DACH2: variants seen among roughly 807,000 people sequenced by gnomAD.
The protein encoded by DACH2 is dachshund family transcription factor 2.
A neutral mutation model predicts 35.8 loss-of-function variants in DACH2; 17 were observed. That is an observed-to-expected ratio of 0.48 (90% CI 0.33 to 0.71). The LOEUF is 0.71. Among genes scored for constraint, DACH2 ranks in the 30% least tolerant of loss-of-function variants. The pLI is 0.02. For missense variants in DACH2, 469 were observed against 472.7 expected, an observed-to-expected ratio of 0.99 and a Z score of 0.07; for synonymous variants, 195 against 177.3, an observed-to-expected ratio of 1.10 and a Z score of -0.79.
rs5968976 is a variant in DACH2 at position 86,713,954 on chromosome X, C to A, written c.932-594C>A. The stretch of plus-strand genomic sequence containing the variant: ...GTATTTCTTATTAAACTAGAAAATA[C>A]GTTGATATTTTGATAGGGGAGTTAT... On this transcript the variant is annotated intron_variant, in intron 5 of 11. Coordinates refer to ENST00000373125, the MANE Select transcript of DACH2 (RefSeq NM_053281.3). 1.2e-3 allele frequency among the ~76,000 whole-genome samples: 130 copies of A among 110,657 alleles called. No individual in the cohort carries two copies. The East Asian group carries it at 0.035, about 30-fold the overall frequency.
chrX:86,657,750 G>A (rs1663892110), intron 4 of DACH2, among the ~76,000 whole-genome samples: 1 of 111,357 alleles, frequency 9.0e-6, no homozygotes, highest in Non-Finnish European at 1.9e-5. Flanking sequence ...ATGCCTTATT[G>A]TGGTAGGATT....
intron 11 of DACH2, among the ~76,000 whole-genome samples, chrX:86,826,304 T>C (rs1181206806): frequency 9.0e-6 from 1 of 111,590 alleles, no homozygotes; most frequent in Non-Finnish European, 1.9e-5. Context: ...ACAAGTAAGA[T>C]AGTTTGATAC....
chrX:86,464,142 C>A lies in DACH2; in HGVS notation c.528-50137C>A, dbSNP rs777815444. ...CCTCAAGGATCTAAAACCAGAGATA[C>A]CACTTGACCCAGTAATCCCATTACT... On this transcript the variant is annotated intron_variant, in intron 2 of 11. Coordinates refer to ENST00000373125, the MANE Select transcript of DACH2 (RefSeq NM_053281.3). 3.6e-5 allele frequency among the ~76,000 whole-genome samples: 4 copies of A among 110,865 alleles called. No individual in the cohort carries two copies. In the South Asian group the frequency reaches 1.6e-3, roughly 43 times the overall value.
intron 1 of DACH2, among the ~76,000 whole-genome samples, chrX:86,357,820 T>C (rs1022236228): frequency 1.7e-4 from 19 of 112,475 alleles, no homozygotes; most frequent in African/African-American, 6.1e-4. Flanking sequence ...ATCTTGTTTG[T>C]GTATTTCCAT....
In DACH2 at chrX:86,149,001, G is replaced by T. The variant is rs1287413461; in HGVS notation, c.381G>T (p.Gln127His). 8.3e-7 allele frequency: 1 copy of T among 1,208,748 alleles called. No individual in the cohort carries two copies. The highest frequency in any genetic ancestry group is 1.1e-6 in the Non-Finnish European group (1 of 894,668). The change falls in exon 1 of 12, where the codon CAG becomes CAT. Residue 127 changes from glutamine (Q) to histidine (H), a missense_variant. Coordinates refer to ENST00000373125, the MANE Select transcript of DACH2 (RefSeq NM_053281.3). ...DISPVVCTVEQVRILRGLGAI... is the reference protein window; with the variant it reads ...DISPVVCTVEHVRILRGLGAI... ...CCCCCGTGGTGTGTACTGTTGAGCA[G>T]GTCCGGATCCTCCGCGGGCTGGGGG...
chrX:86,287,876 G>C (rs1262461841), intron 1 of DACH2, among the ~76,000 whole-genome samples: 2 of 112,022 alleles, frequency 1.8e-5, no homozygotes, highest in African/African-American at 6.5e-5. Context: ...TGTTTTTCCA[G>C]TTTTTGTACC....
At chrX:86,261,351 G>A (rs749114996) in intron 1 of DACH2, among the ~76,000 whole-genome samples, 2 of 111,992 alleles carry the variant, frequency 1.8e-5, no homozygotes, top group South Asian at 7.4e-4. Flanking sequence ...GAGATTTAGT[G>A]AAAAATAAAG....
At position 86,514,383 on chromosome X, in the gene DACH2, C is replaced by T; in HGVS notation, c.632C>T (p.Thr211Ile). 1 of 1,206,595 alleles carries T rather than the reference C, an allele frequency of 8.3e-7. No individual in the cohort carries two copies. Among genetic ancestry groups the T allele is most frequent in the Middle Eastern group, 2.3e-4 (1 of 4,331 alleles). The change falls in exon 3 of 12, where the codon ACT becomes ATT. Residue 211 changes from threonine (T) to isoleucine (I), a missense_variant. Transcript: ENST00000373125. Reference sequence around the variant, plus strand: ...GGCCTCTTATCGCCAGGACTTATCACTCCGACAGGTAATAAAATCCATCTG... The same window carrying T: ...GGCCTCTTATCGCCAGGACTTATCATTCCGACAGGTAATAAAATCCATCTG... Reference protein sequence around the residue: ...VPGLLSPGLITPTGITAAAMA... With the variant: ...VPGLLSPGLIIPTGITAAAMA...
chrX:86,321,618 T>C (rs1423418350), intron 1 of DACH2, among the ~76,000 whole-genome samples: 2 of 111,857 alleles, frequency 1.8e-5, no homozygotes, highest in Non-Finnish European at 1.9e-5. Flanking sequence ...GGAGTGGTTT[T>C]TCCATTATTT....
intron 2 of DACH2, among the ~76,000 whole-genome samples, chrX:86,427,561 C>A (rs1159534263): frequency 4.5e-5 from 5 of 111,076 alleles, no homozygotes; most frequent in African/African-American, 1.6e-4. Context: ...GAGACTATGG[C>A]TCCTTATTAC....
chrX:86,650,420 C>G (rs1438257379), intron 3 of DACH2, among the ~76,000 whole-genome samples: 1 of 110,985 alleles, frequency 9.0e-6, no homozygotes, highest in Non-Finnish European at 1.9e-5. Flanking sequence ...GGCTAGGCAG[C>G]CTATCCTTTA....
intron 3 of DACH2, among the ~76,000 whole-genome samples, chrX:86,611,055 A>G (rs958451549): frequency 4.5e-5 from 5 of 110,701 alleles, no homozygotes; most frequent in African/African-American, 9.9e-5. Context: ...ACAGAGTCTC[A>G]CCCAAGGCCC....
chrX:86,813,063 A>G (rs1440164537), intron 8 of DACH2, 59 bp downstream of exon 8: 1 of 1,139,479 alleles, frequency 8.8e-7, no homozygotes, highest in African/African-American at 1.8e-5. Context: ...ACCTACATAT[A>G]TTATTTTATA....
At chrX:86,732,029 C>A (rs1311482567) in intron 6 of DACH2, among the ~76,000 whole-genome samples, 1 of 112,063 alleles carries the variant, frequency 8.9e-6, no homozygotes, top group African/African-American at 3.2e-5. Flanking sequence ...AGTCACATTT[C>A]AAGTGCTCAA....
chrX:86,394,267 A>G (rs1483350470), intron 2 of DACH2, among the ~76,000 whole-genome samples: 1 of 110,660 alleles, frequency 9.0e-6, no homozygotes, highest in Non-Finnish European at 1.9e-5. Context: ...GTGCTAAATA[A>G]ATATTAGTTT....
intron 1 of DACH2, among the ~76,000 whole-genome samples, chrX:86,283,488 T>C (rs186687115): frequency 1.1e-3 from 119 of 111,168 alleles, no homozygotes; most frequent in Non-Finnish European, 1.9e-3. Flanking sequence ...CAAATGCCAA[T>C]CTATAATAGA....
intron 7 of DACH2, among the ~76,000 whole-genome samples, chrX:86,742,006 G>C (rs1396484832): frequency 9.1e-6 from 1 of 110,479 alleles, no homozygotes; most frequent in Non-Finnish European, 1.9e-5. Context: ...TGATATAATA[G>C]ATATATCATA....
At chrX:86,646,825 A>G (rs1470887097) in intron 3 of DACH2, among the ~76,000 whole-genome samples, 3 of 108,816 alleles carry the variant, frequency 2.8e-5, no homozygotes, top group African/African-American at 1.0e-4. Flanking sequence ...CATCCTAAAT[A>G]TATTTAAATA....
chrX:86,152,892 T>C (rs2030413539), intron 1 of DACH2, among the ~76,000 whole-genome samples: 1 of 111,705 alleles, frequency 9.0e-6, no homozygotes, highest in Non-Finnish European at 1.9e-5. Context: ...AACAGGCAGG[T>C]TTAGAAAGTA....
Sources: allele counts gnomAD v4.1 joint callset (sites outside exome capture counted in the v4.1 genomes callset), GRCh38; gene constraint gnomAD v4.1.1; transcripts MANE v1.5; gene names NCBI Gene and HGNC (gene_info 2026-07-23, HGNC 2026-07-21).